Variants in PAN3 observed in about 807,000 individuals in gnomAD.
PAN3 encodes PAN2-PAN3 deadenylation complex subunit PAN3.
A neutral mutation model predicts 96.2 loss-of-function variants in PAN3; 19 were observed. The ratio of observed to expected loss-of-function variants is 0.20; its 90% confidence interval spans 0.14 to 0.29. PAN3 has a LOEUF of 0.29. Among genes scored for constraint, PAN3 ranks in the 10% least tolerant of loss-of-function variants. PAN3 has a pLI of 1.00. For missense variants in PAN3, 882 were observed against 1,108.1 expected (o/e 0.80, Z 2.90); for synonymous variants, 433 against 406.6 (o/e 1.06, Z -0.78).
Position 28,177,851 on chromosome 13 carries a change from A to G in PAN3, c.620-14A>G. 2 of 1,609,440 alleles carry G rather than the reference A, an allele frequency of 1.2e-6. No homozygotes were observed. Among genetic ancestry groups the G allele is most frequent in the Non-Finnish European group, 1.7e-6 (2 of 1,176,204 alleles). ...AAGTTTTATGTGTGGAAACTTACGTAACTTACCTTTCAGATCCTCTAACAT... is the reference window on the plus strand; with the variant it reads ...AAGTTTTATGTGTGGAAACTTACGTGACTTACCTTTCAGATCCTCTAACAT... On this transcript the variant is annotated splice_polypyrimidine_tract_variant and intron_variant, in intron 3 of 18. Coordinates refer to ENST00000380958, the MANE Select transcript of PAN3 (RefSeq NM_175854.8).
intron 4 of PAN3, among the ~76,000 whole-genome samples, chr13:28,182,536 T>A (rs1394825958): frequency 6.6e-6 from 1 of 152,250 alleles, no homozygotes; most frequent in Admixed American, 6.5e-5. Flanking sequence ...TAAATTTTTT[T>A]AAGTTTTAAT....
chr13:28,215,179 G>C, intron 5 of PAN3: 1 of 713,244 alleles, frequency 1.4e-6, no homozygotes, highest in Non-Finnish European at 2.6e-6. Flanking sequence ...AAAGATGGCA[G>C]CACCAGTGGA....
chr13:28,250,076 G>A lies in PAN3; in HGVS notation c.1001-6216G>A, dbSNP rs534105989. ...TTGTTTAGTGTTGCTGATACAGTTA[G>A]CATAATTATTTTTCTTTTGTTAGAT... On this transcript the variant is annotated intron_variant, in intron 6 of 18. Transcript: ENST00000380958. Among the ~76,000 whole-genome samples the A allele has an allele frequency of 5.1e-3, 782 of 152,176 alleles. 6 individuals are homozygous for A. The highest frequency in any genetic ancestry group is 0.018 in the African/African-American group (758 of 41,516).
chr13:28,166,040 T>A (rs1285537943), intron 1 of PAN3, among the ~76,000 whole-genome samples: 1 of 152,194 alleles, frequency 6.6e-6, no homozygotes, highest in Admixed American at 6.5e-5. Context: ...CCTTAAATCC[T>A]TGTCTTTGTC....
At chr13:28,192,009 T>A (rs1032194051) in intron 4 of PAN3, among the ~76,000 whole-genome samples, 5 of 151,892 alleles carry the variant, frequency 3.3e-5, no homozygotes, top group African/African-American at 1.2e-4. Flanking sequence ...AGTGCTGGGA[T>A]TACAGGCATG....
intron 6 of PAN3, among the ~76,000 whole-genome samples, chr13:28,241,404 T>C (rs1185338571): frequency 6.6e-6 from 1 of 152,258 alleles, no homozygotes; most frequent in East Asian, 1.9e-4. Flanking sequence ...ATTCAAACTT[T>C]AATTGCAATA....
chr13:28,154,907 A>G (rs1416764837), intron 1 of PAN3, among the ~76,000 whole-genome samples: 1 of 126,162 alleles, frequency 7.9e-6, no homozygotes, highest in Admixed American at 8.7e-5. Context: ...TGCAAGCTCC[A>G]CCTCCCGGGT....
intron 5 of PAN3, among the ~76,000 whole-genome samples, chr13:28,200,335 T>A (rs1878549528): frequency 6.6e-6 from 1 of 152,240 alleles, no homozygotes; most frequent in South Asian, 2.1e-4. Flanking sequence ...TAACTACTTT[T>A]CTTTCTGGAA....
At chr13:28,195,383 G>A (rs544347648) in intron 4 of PAN3, among the ~76,000 whole-genome samples, 9 of 152,086 alleles carry the variant, frequency 5.9e-5, no homozygotes, top group East Asian at 3.9e-4. Context: ...CAGCCTGGGC[G>A]ACAGAATGAG....
intron 4 of PAN3, among the ~76,000 whole-genome samples, chr13:28,183,320 A>G (rs1876043348): frequency 6.6e-6 from 1 of 152,242 alleles, no homozygotes; most frequent in African/African-American, 2.4e-5. Context: ...CCAGTAAGCC[A>G]CATCATTATC....
chr13:28,223,903 CAG>C (rs1417694925), intron 6 of PAN3, among the ~76,000 whole-genome samples: 1 of 96,056 alleles, frequency 1.0e-5, no homozygotes, highest in Admixed American at 1.6e-4. Flanking sequence ...TTTTTTGAGA[CAG>C]AGTCTCTCTC....
intron 1 of PAN3, among the ~76,000 whole-genome samples, chr13:28,164,719 C>T (rs1357894553): frequency 6.6e-6 from 1 of 152,178 alleles, no homozygotes; most frequent in Admixed American, 6.5e-5. Context: ...TTCCAAGTTT[C>T]TTGACCATAG....
At chr13:28,146,753 G>A (rs139609602) in intron 1 of PAN3, among the ~76,000 whole-genome samples, 35 of 152,206 alleles carry the variant, frequency 2.3e-4, no homozygotes, top group Non-Finnish European at 4.7e-4. Context: ...CAAGGCAGGC[G>A]GATCATGAGG....
chr13:28,257,477 G>A (rs1885236140), intron 7 of PAN3, among the ~76,000 whole-genome samples: 1 of 151,260 alleles, frequency 6.6e-6, no homozygotes, highest in South Asian at 2.1e-4. Flanking sequence ...TAGGAACCAG[G>A]CCGCACAGCA....
At position 28,256,482 on chromosome 13, in the gene PAN3, T is replaced by G. The variant is rs762836522; in HGVS notation, c.1191T>G (p.Thr397=). 5.0e-5 allele frequency: 81 copies of G among 1,613,936 alleles called. No homozygotes were observed. The highest frequency in any genetic ancestry group is 6.0e-5 in the Non-Finnish European group (71 of 1,179,952). The change falls in exon 7 of 19, where the codon ACT becomes ACG. Residue 397 remains threonine (T), a synonymous_variant. Coordinates refer to ENST00000380958, the MANE Select transcript of PAN3 (RefSeq NM_175854.8). ...PSSGQVIQKE[T]VGGTTYFYTD... is the part of the protein sequence containing the mutation. ...CTGGTCAGGTGATCCAAAAGGAAAC[T>G]GTTGGTGGGACGACTTACTTCTATA...
chr13:28,213,459 C>G (rs1443227569), intron 5 of PAN3, among the ~76,000 whole-genome samples: 1 of 152,020 alleles, frequency 6.6e-6, no homozygotes, highest in Non-Finnish European at 1.5e-5. Context: ...AAGTGTCACC[C>G]TAGAATTCCA....
intron 14 of PAN3, among the ~76,000 whole-genome samples, chr13:28,273,566 A>G (rs1337686403): frequency 6.6e-6 from 1 of 151,770 alleles, no homozygotes; most frequent in African/African-American, 2.4e-5. Flanking sequence ...GCACCACTGC[A>G]CTCCTGCCTG....
At chr13:28,176,742 C>T (rs949474650) in intron 3 of PAN3, among the ~76,000 whole-genome samples, 183 bp downstream of exon 3, 9 of 151,900 alleles carry the variant, frequency 5.9e-5, no homozygotes, top group South Asian at 2.1e-4. Flanking sequence ...TGTGGTGGCT[C>T]ATGCCTGTAA....
At chr13:28,148,547 T>G (rs1413155517) in intron 1 of PAN3, among the ~76,000 whole-genome samples, 1 of 152,210 alleles carries the variant, frequency 6.6e-6, no homozygotes, top group Admixed American at 6.5e-5. Flanking sequence ...GTTAAAAATT[T>G]AAATAGTGCA....
Sources: gnomAD v4.1 joint callset for allele counts (sites outside exome capture counted in the v4.1 genomes callset) on GRCh38, gnomAD v4.1.1 for gene constraint, MANE v1.5 for transcripts, NCBI Gene and HGNC (gene_info 2026-07-23, HGNC 2026-07-21) for gene names.